The following STK32C variants were observed in gnomAD, a reference collection of about 807,000 sequenced individuals.
The protein encoded by STK32C is serine/threonine kinase 32C.
A neutral mutation model predicts 56.5 loss-of-function variants in STK32C; 31 were observed. The observed-to-expected ratio is 0.55, with a 90% CI of 0.41 to 0.74. The LOEUF (loss-of-function observed/expected upper bound fraction) is 0.74. STK32C is among the 30% of genes least tolerant of loss of function. The pLI is 0.00. For synonymous variants in STK32C, 309 were observed against 289.4 expected (o/e 1.07, Z -0.69); for missense variants, 544 against 676.9 (o/e 0.80, Z 2.18).
At chr10:132,249,248 T>A (rs990434947) in intron 1 of STK32C, 2 of 352,930 alleles carry the variant, frequency 5.7e-6, no homozygotes, top group African/African-American at 4.4e-5. Context: ...GGTGGGGCTG[T>A]GGGGTTAGGG....
Position 132,207,841 on chromosome 10 carries a change from T to G in STK32C, c.*169A>C. 3 of 814,412 alleles carry G rather than the reference T, an allele frequency of 3.7e-6. No homozygotes were observed. Among genetic ancestry groups the G allele is most frequent in the Middle Eastern group, 4.1e-4 (1 of 2,432 alleles). The allele number at this position is 814,412 out of a possible 1,614,324, so 50.4% of individuals were successfully genotyped here. ...GGTGTCCCCTGCACCCACAGCCTCTTGTCCCCTGCACCACCACGAGCCTGA... is the reference window on the plus strand; with the variant it reads ...GGTGTCCCCTGCACCCACAGCCTCTGGTCCCCTGCACCACCACGAGCCTGA... On this transcript the variant is annotated 3_prime_UTR_variant, in exon 12 of 12. Transcript: ENST00000298630.
intron 1 of STK32C, among the ~76,000 whole-genome samples, chr10:132,249,748 A>T (rs958756214): frequency 2.0e-4 from 31 of 152,042 alleles, no homozygotes; most frequent in African/African-American, 7.0e-4. Context: ...AAGGCTCCAA[A>T]CCAGTGGAAC....
At chr10:132,273,428 A>G (rs975454968) in intron 1 of STK32C, among the ~76,000 whole-genome samples, 1 of 152,242 alleles carries the variant, frequency 6.6e-6, no homozygotes, top group Non-Finnish European at 1.5e-5. Context: ...TGAATGAATG[A>G]GTGAATGAAT....
intron 1 of STK32C, among the ~76,000 whole-genome samples, chr10:132,305,330 C>T (rs948400833): frequency 1.3e-5 from 2 of 152,180 alleles, no homozygotes; most frequent in African/African-American, 4.8e-5. Context: ...TCTTATATGT[C>T]GCAACTATGC....
At chr10:132,260,553 G>C (rs550398400) in intron 1 of STK32C, among the ~76,000 whole-genome samples, 305 of 152,324 alleles carry the variant, frequency 2.0e-3, no homozygotes, top group African/African-American at 7.1e-3. Flanking sequence ...GTTGCAGGGG[G>C]CTGCTTCCCA....
At chr10:132,247,778 G>A (rs992370001) in intron 1 of STK32C, among the ~76,000 whole-genome samples, 13 of 152,126 alleles carry the variant, frequency 8.5e-5, no homozygotes, top group Admixed American at 7.9e-4. Flanking sequence ...GAGGTGGGGA[G>A]AGCGGTTTGA....
chr10:132,247,362 G>T (rs1390516358), intron 1 of STK32C, among the ~76,000 whole-genome samples: 1 of 152,192 alleles, frequency 6.6e-6, no homozygotes, highest in African/African-American at 2.4e-5. Flanking sequence ...CAGCATAGAC[G>T]CAGCAGGCAA....
At chr10:132,220,301 G>A (rs952532400) in intron 10 of STK32C, among the ~76,000 whole-genome samples, 12 of 152,248 alleles carry the variant, frequency 7.9e-5, no homozygotes, top group Non-Finnish European at 1.6e-4. Context: ...AGCCTCTACC[G>A]GAGGGTAGAG....
chr10:132,252,911 C>T (rs1451778806), intron 1 of STK32C, among the ~76,000 whole-genome samples: 1 of 152,220 alleles, frequency 6.6e-6, no homozygotes, highest in African/African-American at 2.4e-5. Flanking sequence ...TGCATCCACA[C>T]AGGTGGGTTG....
chr10:132,266,105 G>T (rs1307003854), intron 1 of STK32C, among the ~76,000 whole-genome samples: 2 of 152,190 alleles, frequency 1.3e-5, no homozygotes, highest in African/African-American at 4.8e-5. Flanking sequence ...AATGAATAAA[G>T]AAATTATGTT....
intron 10 of STK32C, among the ~76,000 whole-genome samples, chr10:132,210,111 T>C (rs117412148): frequency 0.021 from 3,135 of 152,328 alleles, 97 homozygotes; most frequent in South Asian, 0.1. Context: ...GATTGGCCAG[T>C]GACGGAAGCA....
chr10:132,271,774 A>G (rs7076851), intron 1 of STK32C, among the ~76,000 whole-genome samples: 14,704 of 152,138 alleles, frequency 0.097, 1,297 homozygotes, highest in African/African-American at 0.23. Context: ...ACACCTACAG[A>G]ACAAAATTTC....
intron 1 of STK32C, among the ~76,000 whole-genome samples, chr10:132,247,991 A>C (rs2063749049): frequency 6.6e-6 from 1 of 152,148 alleles, no homozygotes; most frequent in African/African-American, 2.4e-5. Context: ...GCCGACACCC[A>C]CAAGCTGACA....
Position 132,307,452 on chromosome 10 carries a change from CG to C in STK32C, c.262+119del. On this transcript the variant is annotated intron_variant, in intron 1 of 11. Transcript: ENST00000298630. This position sits in a 1 kb window ranked among gnomAD's most constrained non-coding sequence, Gnocchi z 4.4. ...ACCCGGCGCGAGCTTCTCCGGAAGC[CG>C]GGGCGCCCCGGGAAGCCGTCCCGGA... 1.7e-6 allele frequency: 2 copies of C among 1,168,798 alleles called. No homozygotes were observed. Among genetic ancestry groups the C allele is most frequent in the Non-Finnish European group, 2.2e-6 (2 of 896,108 alleles). 72.4% of individuals were successfully genotyped at this position (1,168,798 alleles called of 1,614,324 possible). A position where few individuals can be genotyped will look rare whatever the true frequency, so the allele number is the denominator to read the frequency against.
intron 1 of STK32C, among the ~76,000 whole-genome samples, chr10:132,293,269 G>A (rs988835112): frequency 2.6e-5 from 4 of 152,330 alleles, no homozygotes; most frequent in South Asian, 2.1e-4. Context: ...GGCGCCTGGC[G>A]GGCTCCCCTC....
chr10:132,253,116 T>C (rs1265252944), intron 1 of STK32C, among the ~76,000 whole-genome samples: 3 of 152,356 alleles, frequency 2.0e-5, no homozygotes, highest in South Asian at 2.1e-4. Flanking sequence ...AGCATTTCCC[T>C]GTTCTCAGAG....
At chr10:132,223,308 G>A (rs1055935504) in intron 8 of STK32C, among the ~76,000 whole-genome samples, 103 of 152,158 alleles carry the variant, frequency 6.8e-4, no homozygotes, top group African/African-American at 2.3e-3. Flanking sequence ...CCCGGCTAGC[G>A]GCTAACACTC....
At chr10:132,245,818 TG>T in intron 2 of STK32C, 81 bp downstream of exon 2, 2 of 1,401,866 alleles carry the variant, frequency 1.4e-6, no homozygotes, top group Non-Finnish European at 1.0e-6. Flanking sequence ...TGGGAGTAGG[TG>T]GGCTCAGGGG....
chr10:132,252,893 C>T (rs1218340571), intron 1 of STK32C, among the ~76,000 whole-genome samples: 1 of 152,222 alleles, frequency 6.6e-6, no homozygotes, highest in African/African-American at 2.4e-5. Flanking sequence ...CCAGGTCACT[C>T]TGGATTCTGC....
Sources: allele counts gnomAD v4.1 joint callset (sites outside exome capture counted in the v4.1 genomes callset), GRCh38; gene constraint gnomAD v4.1.1; non-coding constraint Gnocchi (gnomAD v3.1); transcripts MANE v1.5; gene names NCBI Gene and HGNC (gene_info 2026-07-23, HGNC 2026-07-21).